SNX29: variants seen among roughly 807,000 people sequenced by gnomAD.
SNX29 encodes sorting nexin 29.
In SNX29, 78 loss-of-function variants were observed where a neutral mutation model predicts 102.1. The ratio of observed to expected loss-of-function variants is 0.76; its 90% CI spans 0.64 to 0.92. SNX29 has a LOEUF of 0.92. Among genes scored for constraint, SNX29 ranks in the 40% least tolerant of loss-of-function variants. The probability of loss-of-function intolerance (pLI) is 0.00; values close to 1 mark genes in which losing one functional copy is unlikely to be tolerated. For missense variants in SNX29, 1,280 were observed against 1,061.7 expected (o/e 1.21, Z -2.86); for synonymous variants, 580 against 414.5 (o/e 1.40, Z -4.85).
At chr16:12,515,465 C>G (rs2089822062) in intron 19 of SNX29, 2 of 481,930 alleles carry the variant, frequency 4.1e-6, no homozygotes, top group South Asian at 1.5e-5. Context: ...TCAGTCAGCT[C>G]TGAAATAGAA....
intron 19 of SNX29, among the ~76,000 whole-genome samples, chr16:12,490,528 G>C (rs1385422226): frequency 6.6e-6 from 1 of 152,144 alleles, no homozygotes; most frequent in Non-Finnish European, 1.5e-5. Context: ...TACTTCTTCT[G>C]CTGGCTCTGA....
chr16:12,430,957 A>G (rs1008832168), intron 18 of SNX29, among the ~76,000 whole-genome samples: 1 of 151,376 alleles, frequency 6.6e-6, no homozygotes, highest in Admixed American at 6.6e-5. Context: ...GGTTCAAATG[A>G]TTCTCCTGCC....
At chr16:12,535,550 C>A (rs750071206) in intron 20 of SNX29, among the ~76,000 whole-genome samples, 3 of 152,160 alleles carry the variant, frequency 2.0e-5, no homozygotes, top group Admixed American at 6.5e-5. Flanking sequence ...ACAGCTGGGA[C>A]GTGGCAGCAT....
chr16:12,500,183 C>T (rs1439883213), intron 19 of SNX29, among the ~76,000 whole-genome samples: 2 of 151,842 alleles, frequency 1.3e-5, no homozygotes, highest in Admixed American at 6.6e-5. Context: ...ATTTATGCAG[C>T]GACAAGGTCT....
intron 18 of SNX29, among the ~76,000 whole-genome samples, chr16:12,436,493 C>T (rs963468720): frequency 1.3e-5 from 2 of 152,250 alleles, no homozygotes; most frequent in African/African-American, 4.8e-5. Context: ...AGGAAATCGC[C>T]TTTGTTGCTC....
At chr16:12,020,926 A>G (rs1443800784) in intron 3 of SNX29, among the ~76,000 whole-genome samples, 3 of 152,156 alleles carry the variant, frequency 2.0e-5, no homozygotes, top group African/African-American at 4.8e-5. Context: ...GCCCAGCCTC[A>G]TGGCCCATTT....
At chr16:12,563,770 T>C (rs1264253658) in intron 20 of SNX29, among the ~76,000 whole-genome samples, 1 of 152,206 alleles carries the variant, frequency 6.6e-6, no homozygotes, top group Non-Finnish European at 1.5e-5. Context: ...TCCACCCTTG[T>C]CTGCCGACCT....
chr16:12,285,537 C>A (rs2079567988), intron 15 of SNX29, among the ~76,000 whole-genome samples: 1 of 152,108 alleles, frequency 6.6e-6, no homozygotes, highest in South Asian at 2.1e-4. Context: ...GCTTGAACAT[C>A]AAGCTGGTAA....
At position 12,061,599 on chromosome 16, in the gene SNX29, C is replaced by G; in HGVS notation, c.1196C>G (p.Ser399Cys). The change falls in exon 9 of 21, where the codon TCC (serine) becomes TGC (cysteine). Residue 399 changes from serine (S) to cysteine (C), a missense_variant. Ser to Cys is a moderately radical substitution (Grantham distance 112). Transcript: ENST00000566228. Reference sequence around the variant, plus strand: ...CCGCTGAAGGTGCTGCACAATGACTCCGACATCCTCTTCCCTGTCAGTGGC... The same window carrying G: ...CCGCTGAAGGTGCTGCACAATGACTGCGACATCCTCTTCCCTGTCAGTGGC... The part of the protein sequence containing the change: ...WAPLKVLHND[S>C]DILFPVSGVG... The G allele has an allele frequency of 6.2e-7, 1 of 1,612,168 alleles. No individual in the cohort carries two copies. The highest frequency in any genetic ancestry group is 2.2e-5 in the East Asian group (1 of 44,876).
chr16:12,204,489 C>T lies in SNX29; in HGVS notation c.1678+4806C>T, dbSNP rs574612257. ...CCACTGTCATAACTGTTCATGGCCA[C>T]CATAGCGTAGTCCTGTTCAATAGCA... On this transcript the variant is annotated intron_variant, in intron 14 of 20. Transcript: ENST00000566228. 3.9e-5 allele frequency among the ~76,000 whole-genome samples: 6 copies of T among 152,306 alleles called. No homozygotes were observed. In the South Asian group the frequency reaches 1.2e-3, roughly 32 times the overall value.
chr16:12,483,681 T>C (rs74012723), intron 19 of SNX29, among the ~76,000 whole-genome samples: 13,562 of 152,196 alleles, frequency 0.089, 896 homozygotes, highest in African/African-American at 0.19. Flanking sequence ...AAGATCTTGG[T>C]GACTTAAGCC....
intron 3 of SNX29, among the ~76,000 whole-genome samples, chr16:12,018,172 T>TA (rs1437037583): frequency 1.3e-5 from 2 of 152,204 alleles, no homozygotes; most frequent in African/African-American, 4.8e-5. Context: ...TTGAGTTTAA[T>TA]AAGTCTTCCC....
chr16:12,378,175 AT>A (rs1475590109), intron 16 of SNX29, among the ~76,000 whole-genome samples: 1 of 152,150 alleles, frequency 6.6e-6, no homozygotes, highest in Non-Finnish European at 1.5e-5. Flanking sequence ...GAAAAGTTTT[AT>A]TTGGCTCACG....
At chr16:12,238,204 T>TAA (rs371006378) in intron 14 of SNX29, among the ~76,000 whole-genome samples, 2 of 148,248 alleles carry the variant, frequency 1.3e-5, no homozygotes, top group African/African-American at 4.9e-5. Context: ...GTAACAGTTG[T>TAA]AAAAAAAAAA....
intron 11 of SNX29, among the ~76,000 whole-genome samples, chr16:12,109,334 G>A (rs1462621448): frequency 1.3e-5 from 2 of 151,618 alleles, no homozygotes; most frequent in Admixed American, 6.6e-5. Context: ...TTCTTAAAAA[G>A]CCACCACTCC....
chr16:12,424,621 A>G (rs1191269691), intron 18 of SNX29, among the ~76,000 whole-genome samples: 1 of 152,188 alleles, frequency 6.6e-6, no homozygotes, highest in African/African-American at 2.4e-5. Flanking sequence ...AATGTGAAAT[A>G]TGCAGGAGAG....
chr16:12,417,169 C>T lies in SNX29; in HGVS notation c.2037+13640C>T, dbSNP rs146177754. On this transcript the variant is annotated intron_variant, in intron 18 of 20. Coordinates refer to ENST00000566228, the MANE Select transcript of SNX29 (RefSeq NM_032167.5). ...TTTGCATTCTACTCCATAATCCATC[C>T]GTATCTTACTGTTTATGAAACTTGC... Among the ~76,000 whole-genome samples the T allele has an allele frequency of 3.7e-3, 557 of 152,292 alleles. 2 individuals are homozygous for T. Among genetic ancestry groups the T allele is most frequent in the African/African-American group, 0.013 (538 of 41,562 alleles).
intron 5 of SNX29, among the ~76,000 whole-genome samples, chr16:12,046,128 T>A (rs1327725062): frequency 6.6e-6 from 1 of 152,218 alleles, no homozygotes; most frequent in African/African-American, 2.4e-5. Flanking sequence ...TATAAATACA[T>A]TGACATATCA....
intron 19 of SNX29, among the ~76,000 whole-genome samples, chr16:12,494,823 C>T (rs1272418348): frequency 1.3e-5 from 2 of 152,188 alleles, no homozygotes; most frequent in South Asian, 2.1e-4. Flanking sequence ...CTTAGCTCTC[C>T]GCTGTGAGCT....
Sources: allele counts gnomAD v4.1 joint callset (sites outside exome capture counted in the v4.1 genomes callset), GRCh38; gene constraint gnomAD v4.1.1; transcripts MANE v1.5; gene names NCBI Gene and HGNC (gene_info 2026-07-23, HGNC 2026-07-21).